GLO1: variants seen among roughly 807,000 people sequenced by gnomAD.
The protein encoded by GLO1 is lactoylglutathione lyase.
GLO1 carries 28 observed loss-of-function variants against 26.0 expected under a neutral mutation model. That is an observed-to-expected ratio of 1.08 (90% CI 0.80 to 1.48). GLO1 has a LOEUF of 1.48. Ranked by LOEUF, GLO1 falls within the 40% of genes most tolerant of loss-of-function variation. GLO1 has a pLI of 0.00. For missense variants in GLO1, 225 were observed against 224.8 expected (o/e 1.00, Z -0.01); for synonymous variants, 78 against 77.6 (o/e 1.00, Z -0.03).
Position 38,684,517 on chromosome 6 carries a change from G to A in GLO1, c.168-3C>T. ...GAAAATCACATTTTTGGATTAGCCT[G>A]CAATGAAAAAACAACAAGCCTGAAT... On this transcript the variant is annotated splice_polypyrimidine_tract_variant and splice_region_variant and intron_variant, in intron 2 of 5. Coordinates refer to ENST00000373365, the MANE Select transcript of GLO1 (RefSeq NM_006708.3). 1 of 1,497,606 alleles carries A rather than the reference G, an allele frequency of 6.7e-7. No homozygotes were observed. The highest frequency in any genetic ancestry group is 8.9e-7 in the Non-Finnish European group (1 of 1,122,224). 92.8% of individuals were successfully genotyped at this position (1,497,606 alleles called of 1,614,324 possible).
intron 1 of GLO1, among the ~76,000 whole-genome samples, chr6:38,698,564 C>A (rs2127549004): frequency 6.7e-6 from 1 of 149,174 alleles, no homozygotes; most frequent in South Asian, 2.1e-4. Context: ...ATAATGGCAA[C>A]ACTGAGGACA....
chr6:38,677,199 C>G lies in GLO1; in HGVS notation c.*96G>C, dbSNP rs1339464007. 1.3e-6 allele frequency: 1 copy of G among 747,788 alleles called. No individual in the cohort carries two copies. Among genetic ancestry groups the G allele is most frequent in the Non-Finnish European group, 2.4e-6 (1 of 413,140 alleles). The allele number at this position is 747,788 out of a possible 1,614,324, so 46.3% of individuals were successfully genotyped here. On this transcript the variant is annotated 3_prime_UTR_variant, in exon 6 of 6. Coordinates refer to ENST00000373365, the MANE Select transcript of GLO1 (RefSeq NM_006708.3). ...GACTGAAGAATAATTTGAATCGGGA[C>G]AGTGATCCATCAGTCCTAGATGCTT...
intron 3 of GLO1, among the ~76,000 whole-genome samples, chr6:38,683,842 G>A (rs9394522): frequency 0.082 from 12,483 of 151,806 alleles, 1,210 homozygotes; most frequent in East Asian, 0.23. Flanking sequence ...AGCCGAGATC[G>A]CGCCACTGCA....
chr6:38,691,816 T>C (rs1332773618), intron 1 of GLO1, among the ~76,000 whole-genome samples: 1 of 152,112 alleles, frequency 6.6e-6, no homozygotes, highest in Non-Finnish European at 1.5e-5. Flanking sequence ...GTCCAATTGC[T>C]TCAGCACCAT....
chr6:38,681,903 G>C (rs1761386069), intron 5 of GLO1, 109 bp downstream of exon 5: 1 of 673,008 alleles, frequency 1.5e-6, no homozygotes, highest in Admixed American at 2.3e-5. Flanking sequence ...TTGAAGTGGA[G>C]ACTTCTGTTA....
At chr6:38,693,304 C>T (rs979294085) in intron 1 of GLO1, among the ~76,000 whole-genome samples, 4 of 152,134 alleles carry the variant, frequency 2.6e-5, no homozygotes, top group Non-Finnish European at 4.4e-5. Flanking sequence ...ATTCCCTTAT[C>T]TTTCTTATGT....
chr6:38,681,958 G>A (rs1333324207), intron 5 of GLO1, 54 bp downstream of exon 5: 7 of 877,312 alleles, frequency 8.0e-6, no homozygotes, highest in Middle Eastern at 2.1e-4. Flanking sequence ...CTCTGTAGGT[G>A]GTTAGTAAAT....
chr6:38,683,912 A>C (rs1381812350), intron 3 of GLO1, among the ~76,000 whole-genome samples: 1 of 151,314 alleles, frequency 6.6e-6, no homozygotes, highest in Non-Finnish European at 1.5e-5. Context: ...AAATAAATAA[A>C]AATAAAAGAC....
intron 1 of GLO1, chr6:38,687,224 G>C (rs1761472153): frequency 2.9e-6 from 1 of 346,116 alleles, no homozygotes; most frequent in African/African-American, 2.2e-5. Flanking sequence ...CCTGTCCCTT[G>C]GTGGGACAAT....
chr6:38,686,492 G>C lies in GLO1; in HGVS notation c.167+400C>G, dbSNP rs534128959. Among the ~76,000 whole-genome samples, 4 of 152,262 alleles carry C rather than the reference G, an allele frequency of 2.6e-5. No individual in the cohort carries two copies. The East Asian group carries it at 7.7e-4, about 29-fold the overall frequency. On this transcript the variant is annotated intron_variant, in intron 2 of 5. Transcript: ENST00000373365. ...GTTGAGCAAAAGAAAACACAGCCTA[G>C]AAAAATAGAACAGATGGTCAGTTTT...
At chr6:38,696,548 G>A (rs1562490453) in intron 1 of GLO1, among the ~76,000 whole-genome samples, 1 of 152,190 alleles carries the variant, frequency 6.6e-6, no homozygotes, top group Non-Finnish European at 1.5e-5. Context: ...AGAAGGGCTT[G>A]ATCATTCTTT....
intron 1 of GLO1, among the ~76,000 whole-genome samples, chr6:38,689,706 G>A (rs866772868): frequency 1.3e-5 from 2 of 152,246 alleles, no homozygotes; most frequent in South Asian, 2.1e-4. Flanking sequence ...CAGCACTTTG[G>A]GGGGCTGAGA....
intron 1 of GLO1, among the ~76,000 whole-genome samples, chr6:38,695,376 C>A (rs973330545): frequency 3.9e-5 from 6 of 151,966 alleles, no homozygotes; most frequent in Non-Finnish European, 1.5e-5. Flanking sequence ...TACATATACC[C>A]ATGTATATGT....
chr6:38,697,079 A>T (rs972718659), intron 1 of GLO1, among the ~76,000 whole-genome samples: 5 of 151,858 alleles, frequency 3.3e-5, no homozygotes, highest in African/African-American at 4.8e-5. Flanking sequence ...TGTCTGGCTA[A>T]TTTTTTTGTA....
At chr6:38,681,297 C>T (rs914009281) in intron 5 of GLO1, among the ~76,000 whole-genome samples, 4 of 152,106 alleles carry the variant, frequency 2.6e-5, no homozygotes, top group Non-Finnish European at 4.4e-5. Flanking sequence ...CTCCTGACCT[C>T]GTGATCCGCC....
intron 5 of GLO1, among the ~76,000 whole-genome samples, chr6:38,678,739 C>A (rs1413592580): frequency 6.6e-6 from 1 of 152,208 alleles, no homozygotes; most frequent in African/African-American, 2.4e-5. Context: ...AGCCCTCTCT[C>A]CACGCCCAGG....
intron 4 of GLO1, 58 bp from the exon 5 acceptor site, chr6:38,682,159 G>T: frequency 1.1e-6 from 1 of 931,476 alleles, no homozygotes; most frequent in Non-Finnish European, 1.8e-6. Flanking sequence ...ATAACAGGGT[G>T]TCCAAGTACC....
In GLO1 at chr6:38,684,455, T is replaced by A. The variant is rs369375025; in HGVS notation, c.227A>T (p.Glu76Val). 2 of 1,572,686 alleles carry A rather than the reference T, an allele frequency of 1.3e-6. No individual in the cohort carries two copies. Among genetic ancestry groups the A allele is most frequent in the Non-Finnish European group, 1.7e-6 (2 of 1,157,370 alleles). The change falls in exon 3 of 6, where the codon GAG (glutamate) becomes GTG (valine). Residue 76 changes from glutamate (E) to valine (V), a missense_variant. Glu to Val is a moderately radical substitution (Grantham distance 121). Transcript: ENST00000373365. ...MKFSLYFLAY[E>V]DKNDIPKEKD... ...TTCTTTAGGGATGTCATTTTTATCC[T>A]CATAAGCCAAGAAGTAGAGTGAAAA...
At chr6:38,687,110 G>T in intron 1 of GLO1, 136 bp from the exon 2 acceptor site, 1 of 1,428,882 alleles carries the variant, frequency 7.0e-7, no homozygotes, top group Non-Finnish European at 9.2e-7. Flanking sequence ...CTGCTCAGTG[G>T]TATCTTCTGG....
Sources: allele counts gnomAD v4.1 joint callset (sites outside exome capture counted in the v4.1 genomes callset), GRCh38; gene constraint gnomAD v4.1.1; transcripts MANE v1.5; gene names NCBI Gene and HGNC (gene_info 2026-07-23, HGNC 2026-07-21).